Variants in DCAF17 observed in about 807,000 individuals in gnomAD.
DCAF17 encodes DDB1- and CUL4-associated factor 17.
A neutral mutation model predicts 66.0 loss-of-function variants in DCAF17; 48 were observed. The ratio of observed to expected loss-of-function variants is 0.73; its 90% confidence interval spans 0.58 to 0.92. The LOEUF is 0.92. Ranked by LOEUF, DCAF17 falls within the 40% of genes least tolerant of loss-of-function variation. The pLI is 0.00. For missense variants in DCAF17, 562 were observed against 622.8 expected (o/e 0.90, Z 1.04); for synonymous variants, 206 against 214.6 (o/e 0.96, Z 0.35).
intron 13 of DCAF17, among the ~76,000 whole-genome samples, chr2:171,480,444 C>T (rs942048344): frequency 3.3e-5 from 5 of 152,158 alleles, no homozygotes; most frequent in African/African-American, 7.2e-5. Context: ...GTCTCTTTCC[C>T]TACCCTAGTC....
chr2:171,459,557 A>G (rs1054737407), intron 8 of DCAF17, among the ~76,000 whole-genome samples: 4 of 152,180 alleles, frequency 2.6e-5, no homozygotes, highest in African/African-American at 9.7e-5. Flanking sequence ...CATTCCTCTT[A>G]TTTATAACCA....
chr2:171,447,666 C>CT (rs1694712613), intron 3 of DCAF17, among the ~76,000 whole-genome samples: 1 of 152,060 alleles, frequency 6.6e-6, no homozygotes, highest in African/African-American at 2.4e-5. Context: ...CTAGCCACTT[C>CT]TTTTTTTCCT....
At chr2:171,446,908 A>G (rs1243041329) in intron 3 of DCAF17, among the ~76,000 whole-genome samples, 2 of 152,186 alleles carry the variant, frequency 1.3e-5, no homozygotes, top group Non-Finnish European at 2.9e-5. Context: ...TAATTTCAAA[A>G]AACTATTTGA....
At chr2:171,457,173 A>G (rs1039569823) in intron 6 of DCAF17, among the ~76,000 whole-genome samples, 1 of 152,232 alleles carries the variant, frequency 6.6e-6, no homozygotes, top group Non-Finnish European at 1.5e-5. Flanking sequence ...CTTCTAAGAG[A>G]TGACAAAAAA....
intron 10 of DCAF17, 29 bp from the exon 11 acceptor site, chr2:171,476,831 G>A (rs1164081305): frequency 1.3e-6 from 2 of 1,559,612 alleles, no homozygotes; most frequent in Non-Finnish European, 8.8e-7. Flanking sequence ...TGAAGTCTTA[G>A]GTTCTCAGAA....
In DCAF17 at chr2:171,448,527, T is replaced by G. The variant is rs527779083; in HGVS notation, c.322-154T>G. 5.9e-5 allele frequency among the ~76,000 whole-genome samples: 9 copies of G among 152,376 alleles called. No individual in the cohort carries two copies. The South Asian group carries it at 1.2e-3, about 21-fold the overall frequency. On this transcript the variant is annotated intron_variant, in intron 3 of 13. Coordinates refer to ENST00000375255, the MANE Select transcript of DCAF17 (RefSeq NM_025000.4). ...AAATAATTACCCACAATCTTATCTT[T>G]CCTTGTCTTAATTCTCTAGTTGGGC... is the stretch of plus-strand genomic sequence containing the variant.
Position 171,457,986 on chromosome 2 carries a change from A to G in DCAF17, c.643A>G (p.Thr215Ala), listed in dbSNP as rs747756077. ...EINKKIFGNV[T>A]DATLSHGILI... The stretch of plus-strand genomic sequence containing the variant: ...CCCCCGCCAGATTTTTGGGAACGTT[A>G]CAGATGCTACCTTGTCTCATGGAAT... Residue 215 changes from threonine to alanine, a missense_variant, in exon 7 of 14, where the codon ACA becomes GCA. Physicochemically the swap from Thr to Ala is moderately conservative, Grantham distance 58 (BLOSUM62 0). Coordinates refer to ENST00000375255, the MANE Select transcript of DCAF17 (RefSeq NM_025000.4). 1.9e-6 allele frequency: 3 copies of G among 1,613,964 alleles called. No homozygotes were observed. The highest frequency in any genetic ancestry group is 4.5e-5 in the East Asian group (2 of 44,896).
chr2:171,460,072 TC>T (rs1040615787), intron 8 of DCAF17, among the ~76,000 whole-genome samples: 436 of 152,178 alleles, frequency 2.9e-3, no homozygotes, highest in African/African-American at 9.5e-3. Flanking sequence ...AGACTGTAAT[TC>T]CAGCACTTTG....
intron 8 of DCAF17, among the ~76,000 whole-genome samples, chr2:171,458,770 C>G (rs372044313): frequency 6.6e-6 from 1 of 152,136 alleles, no homozygotes; most frequent in East Asian, 1.9e-4. Flanking sequence ...TGAGTTGCAG[C>G]AAATGATACC....
At chr2:171,465,641 G>A (rs1230155172) in intron 8 of DCAF17, among the ~76,000 whole-genome samples, 1 of 151,944 alleles carries the variant, frequency 6.6e-6, no homozygotes, top group Non-Finnish European at 1.5e-5. Flanking sequence ...CACCACACCT[G>A]GCTAATTGTT....
chr2:171,446,810 A>G (rs1694651507), intron 3 of DCAF17, among the ~76,000 whole-genome samples: 1 of 152,186 alleles, frequency 6.6e-6, no homozygotes, highest in Non-Finnish European at 1.5e-5. Context: ...TCTTTTAGAC[A>G]TATTGAGAAA....
At chr2:171,461,662 G>A (rs2105781142) in intron 8 of DCAF17, among the ~76,000 whole-genome samples, 1 of 152,058 alleles carries the variant, frequency 6.6e-6, no homozygotes, top group Admixed American at 6.5e-5. Context: ...ACTCTATTGA[G>A]GTATAATTTA....
Position 171,482,237 on chromosome 2 carries a change from C to T in DCAF17, c.*1123C>T, listed in dbSNP as rs1036025777. ...ATTTCGCATGTTCTGCACATTTATCCGATGTAACCTCAAAAGAATAACTGG... is the reference window on the plus strand; with the variant it reads ...ATTTCGCATGTTCTGCACATTTATCTGATGTAACCTCAAAAGAATAACTGG... On this transcript the variant is annotated 3_prime_UTR_variant, in exon 14 of 14. Transcript: ENST00000375255. 1.8e-5 allele frequency: 8 copies of T among 453,830 alleles called. No homozygotes were observed. The highest frequency in any genetic ancestry group is 9.3e-5 in the South Asian group (6 of 64,390). 28.1% of individuals were successfully genotyped at this position (453,830 alleles called of 1,614,324 possible).
intron 13 of DCAF17, 110 bp from the exon 14 acceptor site, chr2:171,480,864 T>C (rs1272528536): frequency 7.4e-7 from 1 of 1,355,014 alleles, no homozygotes. Flanking sequence ...AACTATTTTC[T>C]TCTAAGTGTA....
At chr2:171,451,521 T>A (rs1238393840) in intron 5 of DCAF17, among the ~76,000 whole-genome samples, 1 of 152,228 alleles carries the variant, frequency 6.6e-6, no homozygotes, top group Non-Finnish European at 1.5e-5. Flanking sequence ...TTCTAAAGTG[T>A]CTTGTCTGAT....
chr2:171,445,278 C>T (rs1008985457), intron 3 of DCAF17, among the ~76,000 whole-genome samples: 17 of 152,122 alleles, frequency 1.1e-4, no homozygotes, highest in African/African-American at 3.9e-4. Context: ...GCACCCAGCA[C>T]CATGCCCCAC....
intron 2 of DCAF17, among the ~76,000 whole-genome samples, chr2:171,439,511 C>CTTTTTTTTTT (rs374646610): frequency 1.1e-5 from 1 of 94,772 alleles, no homozygotes. Context: ...CTTTTTTTTC[C>CTTTTTTTTTT]TTTTTTTTTT....
rs1559295091 is a variant in DCAF17 at position 171,480,996 on chromosome 2, T to C, written c.1445T>C (p.Phe482Ser). Residue 482 changes from phenylalanine (F) to serine (S), a missense_variant, in exon 14 of 14, where the codon TTT (phenylalanine) becomes TCT (serine). Phe to Ser is a radical substitution (Grantham distance 155, BLOSUM62 -2). This residue lies in a region of DCAF17 where 201 missense variants were observed against 231.1 expected (regional missense o/e 0.87). Coordinates refer to ENST00000375255, the MANE Select transcript of DCAF17 (RefSeq NM_025000.4). ...WDVTYSHEVY[F>S]DRDLVLHIEQ... ...CAGACATATAGCCATGAAGTCTACT[T>C]TGACAGAGACTTGGTGCTACACATA... 1 of 1,613,772 alleles carries C rather than the reference T, an allele frequency of 6.2e-7. No individual in the cohort carries two copies. The highest frequency in any genetic ancestry group is 8.5e-7 in the Non-Finnish European group (1 of 1,179,692).
intron 10 of DCAF17, 112 bp downstream of exon 10, chr2:171,474,087 G>C: frequency 3.6e-6 from 3 of 834,170 alleles, no homozygotes; most frequent in Non-Finnish European, 6.1e-6. Context: ...TAATTAGCTT[G>C]TTGTTGGGTG....
Sources: allele counts gnomAD v4.1 joint callset (sites outside exome capture counted in the v4.1 genomes callset), GRCh38; gene constraint gnomAD v4.1.1; regional missense constraint gnomAD v4.1.1; transcripts MANE v1.5; gene names NCBI Gene and HGNC (gene_info 2026-07-23, HGNC 2026-07-21).